TXLNB: variants seen among roughly 807,000 people sequenced by gnomAD.
The protein encoded by TXLNB is taxilin beta.
TXLNB carries 37 observed loss-of-function variants against 57.4 expected under a neutral mutation model. The observed-to-expected ratio is 0.64, with a 90% CI of 0.50 to 0.85. The LOEUF (loss-of-function observed/expected upper bound fraction) is 0.85, where lower values mean the gene tolerates loss of function less well. TXLNB is among the 40% of genes least tolerant of loss of function. TXLNB has a pLI of 0.00. For missense variants in TXLNB, 848 were observed against 825.6 expected (o/e 1.03, Z -0.33); for synonymous variants, 302 against 309.6 (o/e 0.98, Z 0.26).
the TXLNB span, among the ~76,000 whole-genome samples, chr6:139,219,189 T>C: frequency 4.6e-5 from 7 of 152,170 alleles, no homozygotes; most frequent in East Asian, 1.3e-3. Context: ...CAGAGAAAAA[T>C]AAACTTCCTT....
chr6:139,276,001 T>C (rs1776885921), intron 3 of TXLNB, among the ~76,000 whole-genome samples: 1 of 152,232 alleles, frequency 6.6e-6, no homozygotes, highest in Non-Finnish European at 1.5e-5. Flanking sequence ...TGAAAGAATT[T>C]TTGTTTTGCC....
At chr6:139,237,793 A>T (rs1409644761), downstream of TXLNB, among the ~76,000 whole-genome samples, 1 of 151,958 alleles carries the variant, frequency 6.6e-6, no homozygotes, top group Non-Finnish European at 1.5e-5. Context: ...TATATCACTT[A>T]AAAAAAAGTC....
chr6:139,162,516 CAG>C, the TXLNB span, among the ~76,000 whole-genome samples: 1 of 152,176 alleles, frequency 6.6e-6, no homozygotes, highest in Non-Finnish European at 1.5e-5. Context: ...AGTCTGGTTG[CAG>C]AGTCTGAACT....
chr6:139,277,423 T>C (rs529926722), intron 2 of TXLNB, among the ~76,000 whole-genome samples: 2 of 152,316 alleles, frequency 1.3e-5, no homozygotes, highest in African/African-American at 4.8e-5. Flanking sequence ...TTTTTTCCCC[T>C]GTGTTTTTTG....
At position 139,243,070 on chromosome 6, in the gene TXLNB, G is replaced by A; in HGVS notation, c.1511C>T (p.Ala504Val). Residue 504 changes from alanine (A) to valine (V), a missense_variant, in exon 10 of 10, where the codon GCC (alanine) becomes GTC (valine). Coordinates refer to ENST00000358430, the MANE Select transcript of TXLNB (RefSeq NM_153235.4). ...ATGATGAATTATCATGAAGGCTGTG[G>A]CCAGATTTTTCACGGCGGTTTGGAC... is the stretch of plus-strand genomic sequence containing the variant. Reference protein sequence around the residue: ...NSVQTAVKNLATAFMIIHHPE... With the variant: ...NSVQTAVKNLVTAFMIIHHPE... 1 of 1,614,142 alleles carries A rather than the reference G, an allele frequency of 6.2e-7. No homozygotes were observed. The highest frequency in any genetic ancestry group is 8.5e-7 in the Non-Finnish European group (1 of 1,180,030).
the TXLNB span, among the ~76,000 whole-genome samples, chr6:139,319,159 G>A: frequency 6.6e-6 from 1 of 151,826 alleles, no homozygotes; most frequent in South Asian, 2.1e-4. Context: ...GGCCAGGCTG[G>A]TCTCGAACTC....
the TXLNB span, among the ~76,000 whole-genome samples, chr6:139,321,155 G>A: frequency 2.0e-5 from 3 of 152,068 alleles, no homozygotes; most frequent in African/African-American, 4.8e-5. Context: ...CCGGGGTTCC[G>A]TCACTGGACC....
At chr6:139,160,670 C>T in the TXLNB span, among the ~76,000 whole-genome samples, 1 of 152,174 alleles carries the variant, frequency 6.6e-6, no homozygotes, top group African/African-American at 2.4e-5. Flanking sequence ...TGGCCTCAGC[C>T]TCCCAAGTGC....
Position 139,276,921 on chromosome 6 carries a change from C to T in TXLNB, c.425G>A (p.Gly142Asp). 3 of 1,544,834 alleles carry T rather than the reference C, an allele frequency of 1.9e-6. No homozygotes were observed. Among genetic ancestry groups the T allele is most frequent in the Non-Finnish European group, 2.6e-6 (3 of 1,163,968 alleles). The change falls in exon 3 of 10, where the codon GGC becomes GAC. Residue 142 changes from glycine to aspartate, a missense_variant and splice_region_variant. By Grantham distance (94) the Gly-to-Asp change is moderately conservative. Coordinates refer to ENST00000358430, the MANE Select transcript of TXLNB (RefSeq NM_153235.4). ...KLEKKILKGL[G>D]KEANLLMQNL... Reference sequence around the variant, plus strand: ...TTGCATTAGCAGGTTGGCTTCTTTGCCTTAAAAAAAAAAGACATGAAAAAA... The same window carrying T: ...TTGCATTAGCAGGTTGGCTTCTTTGTCTTAAAAAAAAAAGACATGAAAAAA...
At chr6:139,275,891 A>G (rs6906998) in intron 3 of TXLNB, among the ~76,000 whole-genome samples, 6,185 of 152,264 alleles carry the variant, frequency 0.041, 415 homozygotes, top group African/African-American at 0.14. Context: ...TGGTAAATCT[A>G]CTGTTGGGGG....
chr6:139,176,323 T>A, the TXLNB span, among the ~76,000 whole-genome samples: 1 of 152,220 alleles, frequency 6.6e-6, no homozygotes. The surrounding 1 kb of genome is among the most constrained non-coding windows in gnomAD (Gnocchi z 4.5). Context: ...TTATACTTTT[T>A]AAGTACATTT....
the TXLNB span, among the ~76,000 whole-genome samples, chr6:139,317,386 T>C: frequency 6.6e-6 from 1 of 150,910 alleles, no homozygotes; most frequent in Non-Finnish European, 1.5e-5. Context: ...TATATTAGAG[T>C]TATAAAGACA....
intron 7 of TXLNB, among the ~76,000 whole-genome samples, chr6:139,252,420 C>T (rs1011528224): frequency 7.2e-5 from 11 of 152,134 alleles, no homozygotes; most frequent in Admixed American, 3.9e-4. Context: ...AACATGATTA[C>T]GCATAGGGAT....
intron 5 of TXLNB, among the ~76,000 whole-genome samples, chr6:139,261,419 G>T (rs1291270581): frequency 2.0e-5 from 3 of 151,954 alleles, no homozygotes; most frequent in Non-Finnish European, 4.4e-5. Flanking sequence ...GCTCAGTTTT[G>T]TGCTTGATAA....
At chr6:139,299,265 A>C in the TXLNB span, among the ~76,000 whole-genome samples, 13 of 152,114 alleles carry the variant, frequency 8.5e-5, no homozygotes, top group African/African-American at 3.1e-4. Context: ...CTGGGAACAA[A>C]AGTTGCTGAA....
the TXLNB span, among the ~76,000 whole-genome samples, chr6:139,200,708 C>G: frequency 6.6e-6 from 1 of 152,100 alleles, no homozygotes; most frequent in Non-Finnish European, 1.5e-5. Flanking sequence ...TTTCTATTTT[C>G]TTTCACTTCC....
chr6:139,274,224 G>T (rs1369042826), intron 3 of TXLNB, among the ~76,000 whole-genome samples: 1 of 152,172 alleles, frequency 6.6e-6, no homozygotes, highest in Non-Finnish European at 1.5e-5. Flanking sequence ...TACAATGTCA[G>T]ATAATATTAC....
the TXLNB span, among the ~76,000 whole-genome samples, chr6:139,167,610 G>A: frequency 1.3e-5 from 2 of 152,176 alleles, no homozygotes; most frequent in African/African-American, 4.8e-5. Flanking sequence ...GGAAATTAGT[G>A]GAGTTGTTGC....
intron 6 of TXLNB, among the ~76,000 whole-genome samples, chr6:139,257,195 T>TTG (rs138744356): frequency 5.3e-5 from 8 of 151,850 alleles, no homozygotes; most frequent in South Asian, 2.1e-4. Flanking sequence ...GTTGTTAGGC[T>TTG]TGTGTGTGTG....
Sources: gnomAD v4.1 joint callset for allele counts (sites outside exome capture counted in the v4.1 genomes callset) on GRCh38, gnomAD v4.1.1 for gene constraint, Gnocchi (gnomAD v3.1) non-coding constraint, MANE v1.5 for transcripts, NCBI Gene and HGNC (gene_info 2026-07-23, HGNC 2026-07-21) for gene names.